MOK: variants seen among roughly 807,000 people sequenced by gnomAD.
MOK encodes the protein MOK protein kinase.
MOK carries 59 observed loss-of-function variants against 54.2 expected under a neutral mutation model. That is an observed-to-expected ratio of 1.09 (90% CI 0.88 to 1.35). The LOEUF (loss-of-function observed/expected upper bound fraction) is 1.35, where lower values mean the gene tolerates loss of function less well. Among genes scored for constraint, MOK ranks in the 40% most tolerant of loss-of-function variants. The pLI is 0.00. For missense variants in MOK, 517 were observed against 526.2 expected, an observed-to-expected ratio of 0.98 and a Z score of 0.17; for synonymous variants, 210 against 202.7, an observed-to-expected ratio of 1.04 and a Z score of -0.31.
chr14:102,223,009 G>T (rs1056087533), downstream of MOK: 35 of 1,125,426 alleles, frequency 3.1e-5, no homozygotes, highest in Non-Finnish European at 4.2e-5. Context: ...GGCGATAGCC[G>T]TGTGGACGGT....
At chr14:102,270,796 A>G (rs2068290018) in intron 2 of MOK, among the ~76,000 whole-genome samples, 1 of 152,174 alleles carries the variant, frequency 6.6e-6, no homozygotes, top group African/African-American at 2.4e-5. Flanking sequence ...AAAACCTCCC[A>G]ACAGATGATG....
chr14:102,296,387 A>G (rs1007832760), intron 1 of MOK, among the ~76,000 whole-genome samples: 2 of 152,142 alleles, frequency 1.3e-5, no homozygotes, highest in African/African-American at 4.8e-5. Context: ...ACAACCATAT[A>G]TTTATATGTA....
chr14:102,292,800 AAAACC>A (rs2070911933), intron 1 of MOK, among the ~76,000 whole-genome samples: 4 of 152,178 alleles, frequency 2.6e-5, no homozygotes, highest in Admixed American at 2.0e-4. Flanking sequence ...TTTTAGTATT[AAAACC>A]ATTCAATTTG....
intron 2 of MOK, among the ~76,000 whole-genome samples, chr14:102,271,905 G>T (rs1281426249): frequency 6.8e-6 from 1 of 148,124 alleles, no homozygotes; most frequent in Non-Finnish European, 1.5e-5. Context: ...TTGAGACAGG[G>T]TCTCACTCTG....
intron 4 of MOK, among the ~76,000 whole-genome samples, chr14:102,256,993 G>C (rs1298206238): frequency 2.0e-5 from 3 of 151,916 alleles, no homozygotes; most frequent in Admixed American, 1.3e-4. Flanking sequence ...TCCAGAGACA[G>C]TGGCGGGCAA....
intron 2 of MOK, among the ~76,000 whole-genome samples, chr14:102,281,830 G>A (rs924354441): frequency 6.6e-6 from 1 of 152,146 alleles, no homozygotes; most frequent in African/African-American, 2.4e-5. Flanking sequence ...TGGAGTCGGG[G>A]AAAGATAAAG....
At chr14:102,252,387 G>A in intron 4 of MOK, among the ~76,000 whole-genome samples, 1 of 151,914 alleles carries the variant, frequency 6.6e-6, no homozygotes, top group East Asian at 1.9e-4. Context: ...CCCAGGAGGT[G>A]GAGGTTGCAG....
At chr14:102,242,069 C>T (rs2065763417) in intron 7 of MOK, among the ~76,000 whole-genome samples, 1 of 152,210 alleles carries the variant, frequency 6.6e-6, no homozygotes. Context: ...CTGACTGACT[C>T]CTTCCCAGAT....
downstream of MOK, chr14:102,223,780 C>G (rs1247182663): frequency 2.0e-5 from 3 of 152,044 alleles, no homozygotes; most frequent in Non-Finnish European, 4.4e-5. Context: ...TACTTGAAGC[C>G]CCCTCACCAG....
chr14:102,299,695 C>T (rs531512958), intron 1 of MOK, among the ~76,000 whole-genome samples: 1 of 152,158 alleles, frequency 6.6e-6, no homozygotes, highest in South Asian at 2.1e-4. Flanking sequence ...AAGCAATGCT[C>T]CTCCCTCAGC....
chr14:102,219,132 T>C, the MOK span, among the ~76,000 whole-genome samples: 3 of 152,206 alleles, frequency 2.0e-5, no homozygotes, highest in South Asian at 2.1e-4. Flanking sequence ...GATCCTTCCA[T>C]GGGGGCCTAG....
At position 102,231,368 on chromosome 14, in the gene MOK, T is replaced by C. The variant is rs116542612; in HGVS notation, c.981+339A>G. The C allele has an allele frequency of 0.049, 9,694 of 198,934 alleles. 316 individuals are homozygous for C. The highest frequency in any genetic ancestry group is 0.1 in the African/African-American group (4,324 of 43,230). 12.3% of individuals were successfully genotyped at this position (198,934 alleles called of 1,614,324 possible). Reference sequence around the variant, plus strand: ...CCTCCAGGGCCGTTCTGAGGGGCGATGTCTGCACGGTGCTTTGGCATAGAA... The same window carrying C: ...CCTCCAGGGCCGTTCTGAGGGGCGACGTCTGCACGGTGCTTTGGCATAGAA... On this transcript the variant is annotated intron_variant, in intron 10 of 11. Coordinates refer to ENST00000361847, the MANE Select transcript of MOK (RefSeq NM_014226.3). The surrounding 1 kb of genome is among the most constrained non-coding windows in gnomAD (Gnocchi z 4.4).
Position 102,232,865 on chromosome 14 carries a change from C to G in MOK, c.693-157G>C, listed in dbSNP as rs559674355. ...ACAGAACGTGCACCACCAAGAGGGACCCCTGATGTAAATGATGGGCTCTGT... is the reference window on the plus strand; with the variant it reads ...ACAGAACGTGCACCACCAAGAGGGAGCCCTGATGTAAATGATGGGCTCTGT... On this transcript the variant is annotated intron_variant, in intron 8 of 11. Coordinates refer to ENST00000361847, the MANE Select transcript of MOK (RefSeq NM_014226.3). This position sits in a 1 kb window ranked among gnomAD's most constrained non-coding sequence, Gnocchi z 5.1. 2 of 589,708 alleles carry G rather than the reference C, an allele frequency of 3.4e-6. No individual in the cohort carries two copies. The highest frequency in any genetic ancestry group is 6.2e-5 in the Admixed American group (2 of 32,090). 36.5% of individuals were successfully genotyped at this position (589,708 alleles called of 1,614,324 possible).
At chr14:102,222,726 A>C, downstream of MOK, 1 of 1,237,874 alleles carries the variant, frequency 8.1e-7, no homozygotes, top group Non-Finnish European at 1.2e-6. The surrounding 1 kb of genome is among the most constrained non-coding windows in gnomAD (Gnocchi z 4.4). Context: ...TTCCACATCA[A>C]CAGCACCAGT....
At chr14:102,220,361 G>A (rs954501751), downstream of MOK, among the ~76,000 whole-genome samples, 2 of 152,206 alleles carry the variant, frequency 1.3e-5, no homozygotes, top group African/African-American at 4.8e-5. This position sits in a 1 kb window ranked among gnomAD's most constrained non-coding sequence, Gnocchi z 4.2. Context: ...ACACCTCAAA[G>A]GCTTCTTACC....
At chr14:102,223,940 C>T (rs990809873), downstream of MOK, among the ~76,000 whole-genome samples, 1 of 152,096 alleles carries the variant, frequency 6.6e-6, no homozygotes, top group African/African-American at 2.4e-5. Flanking sequence ...TCCGAGTCCT[C>T]CTTTCGTCAT....
chr14:102,218,169 T>C, the MOK span, among the ~76,000 whole-genome samples: 2 of 152,238 alleles, frequency 1.3e-5, no homozygotes, highest in Non-Finnish European at 2.9e-5. Context: ...CCAGGGCCTG[T>C]GTGCGTCTTA....
chr14:102,215,193 A>G, the MOK span, among the ~76,000 whole-genome samples: 1 of 152,234 alleles, frequency 6.6e-6, no homozygotes, highest in Non-Finnish European at 1.5e-5. Context: ...ACTCGATGAA[A>G]TGTTCTGCGT....
intron 1 of MOK, among the ~76,000 whole-genome samples, chr14:102,294,136 C>A (rs1001914099): frequency 2.0e-5 from 3 of 150,756 alleles, no homozygotes; most frequent in Non-Finnish European, 2.9e-5. Context: ...CTTGTCTCTA[C>A]CAAAAATACA....
Sources: allele counts gnomAD v4.1 joint callset (sites outside exome capture counted in the v4.1 genomes callset), GRCh38; gene constraint gnomAD v4.1.1; non-coding constraint Gnocchi (gnomAD v3.1); transcripts MANE v1.5; gene names NCBI Gene and HGNC (gene_info 2026-07-23, HGNC 2026-07-21).